The following MED1 variants were observed in gnomAD, a reference collection of about 807,000 sequenced individuals.
MED1 encodes the protein mediator complex subunit 1.
MED1 carries 17 observed loss-of-function variants against 121.3 expected under a neutral mutation model. That is an observed-to-expected ratio of 0.14 (90% confidence interval 0.10 to 0.21). MED1 has a LOEUF of 0.21. Among genes scored for constraint, MED1 ranks in the 10% least tolerant of loss-of-function variants. The pLI is 1.00. For missense variants in MED1, 1,558 were observed against 1,919.4 expected (o/e 0.81, Z 3.52); for synonymous variants, 661 against 694.4 (o/e 0.95, Z 0.76).
chr17:39,441,409 G>A (rs1426842397), intron 3 of MED1, among the ~76,000 whole-genome samples: 3 of 152,108 alleles, frequency 2.0e-5, no homozygotes, highest in South Asian at 2.1e-4. Flanking sequence ...TGTACTTAAC[G>A]CTACTGAACT....
chr17:39,440,201 A>G lies in MED1; in HGVS notation c.399+185T>C, dbSNP rs551365204. Among the ~76,000 whole-genome samples, 59 of 152,316 alleles carry G rather than the reference A, an allele frequency of 3.9e-4. 1 individual carries two copies. In the South Asian group the frequency reaches 0.012, roughly 32 times the overall value. ...CTTGTTAAAGCCTTTGGATGATGTC[A>G]GAGATGGGACCCATATTTTCTAAAT... On this transcript the variant is annotated intron_variant, in intron 5 of 16. Transcript: ENST00000300651. The surrounding 1 kb of genome is among the most constrained non-coding windows in gnomAD (Gnocchi z 4.1).
chr17:39,415,757 T>C lies in MED1; in HGVS notation c.1298-418A>G, dbSNP rs552803978. On this transcript the variant is annotated intron_variant, in intron 14 of 16. Transcript: ENST00000300651. ...ACTTGAACCTAGGAGGCGGAGGTTG[T>C]AGTGAGCTGAGATCGTGCCACTGCA... Among the ~76,000 whole-genome samples the C allele has an allele frequency of 2.1e-5, 3 of 139,736 alleles. No individual in the cohort carries two copies. In the South Asian group the frequency reaches 6.6e-4, roughly 31 times the overall value. The allele number at this position is 139,736 out of a possible 152,430, so 91.7% of individuals were successfully genotyped here.
intron 3 of MED1, 102 bp downstream of exon 3, chr17:39,443,448 A>C (rs113901772): frequency 1.3e-5 from 12 of 918,808 alleles, no homozygotes; most frequent in African/African-American, 6.6e-5. Context: ...TAATACATAA[A>C]GTTGACCTAC....
At chr17:39,449,428 G>A (rs770642019) in intron 1 of MED1, among the ~76,000 whole-genome samples, 2 of 151,998 alleles carry the variant, frequency 1.3e-5, no homozygotes, top group African/African-American at 2.4e-5. Flanking sequence ...TGATTCGCCC[G>A]CTTCGGCCTC....
In MED1 at chr17:39,424,693, G is replaced by A; in HGVS notation, c.785C>T (p.Thr262Ile). 2 of 1,611,512 alleles carry A rather than the reference G, an allele frequency of 1.2e-6. No individual in the cohort carries two copies. The highest frequency in any genetic ancestry group is 2.2e-5 in the East Asian group (1 of 44,812). The change falls in exon 11 of 17, where the codon ACA becomes ATA. Residue 262 changes from threonine to isoleucine, a missense_variant. Physicochemically the swap from Thr to Ile is moderately conservative, Grantham distance 89. Coordinates refer to ENST00000300651, the MANE Select transcript of MED1 (RefSeq NM_004774.4). ...AATTGGGAGTTTGTACACAGCAGAT[G>A]TTCCTTCAATTGTCACTGATGCATT... is the stretch of plus-strand genomic sequence containing the variant. ...GMNASVTIEG[T>I]SAVYKLPIAP...
chr17:39,431,262 C>A (rs1240290606), intron 8 of MED1, 74 bp from the exon 9 acceptor site: 3 of 1,198,480 alleles, frequency 2.5e-6, no homozygotes, highest in South Asian at 2.6e-5. Context: ...ATATTGAGTT[C>A]ACCTCTCCGA....
Position 39,424,681 on chromosome 17 carries a change from T to C in MED1, c.797A>G (p.Tyr266Cys), listed in dbSNP as rs780996607. ...AATTAATGGTGCAATTGGGAGTTTG[T>C]ACACAGCAGATGTTCCTTCAATTGT... ...SVTIEGTSAV[Y>C]KLPIAPLIMG... The change falls in exon 11 of 17, where the codon TAC becomes TGC. Residue 266 changes from tyrosine (Y) to cysteine (C), a missense_variant. This residue lies in a region of MED1 where 443 missense variants were observed against 532.4 expected (regional missense o/e 0.83). Coordinates refer to ENST00000300651, the MANE Select transcript of MED1 (RefSeq NM_004774.4). The C allele has an allele frequency of 6.2e-7, 1 of 1,611,192 alleles. No individual in the cohort carries two copies. Among genetic ancestry groups the C allele is most frequent in the Non-Finnish European group, 8.5e-7 (1 of 1,178,736 alleles).
intron 16 of MED1, among the ~76,000 whole-genome samples, chr17:39,412,265 G>C (rs1039386445): frequency 3.3e-5 from 3 of 91,766 alleles, no homozygotes; most frequent in Non-Finnish European, 6.2e-5. Context: ...TTTTGCTCTT[G>C]TTGCCCAGGC....
At chr17:39,414,957 C>T (rs1200482504) in intron 16 of MED1, 69 bp downstream of exon 16, 5 of 1,410,068 alleles carry the variant, frequency 3.5e-6, no homozygotes, top group Non-Finnish European at 4.0e-6. Context: ...CGTGAGCCAC[C>T]GCGCCCTACT....
In MED1 at chr17:39,406,640, C is replaced by T; in HGVS notation, c.*835G>A. The T allele has an allele frequency of 3.1e-6, 3 of 982,002 alleles. No individual in the cohort carries two copies. Among genetic ancestry groups the T allele is most frequent in the Non-Finnish European group, 2.4e-6 (2 of 829,070 alleles). The allele number at this position is 982,002 out of a possible 1,614,324, so 60.8% of individuals were successfully genotyped here. A position where few individuals can be genotyped will look rare whatever the true frequency, so the allele number is the denominator to read the frequency against. On this transcript the variant is annotated 3_prime_UTR_variant, in exon 17 of 17. Transcript: ENST00000300651. The stretch of plus-strand genomic sequence containing the variant: ...AGGTAACTCCTAATATTCCTATGAT[C>T]TCTGAACCCTATTTAAACCCTCCTA...
chr17:39,415,681 G>T lies in MED1; in HGVS notation c.1298-342C>A, dbSNP rs2048401896. On this transcript the variant is annotated intron_variant, in intron 14 of 16. Coordinates refer to ENST00000300651, the MANE Select transcript of MED1 (RefSeq NM_004774.4). ...CAAAATACAAAATTAGTCGGGCGTGGTGGCACATGCCTGTAATCCCAGCTA... is the reference window on the plus strand; with the variant it reads ...CAAAATACAAAATTAGTCGGGCGTGTTGGCACATGCCTGTAATCCCAGCTA... Among the ~76,000 whole-genome samples the T allele has an allele frequency of 1.3e-5, 2 of 151,966 alleles. 1 individual carries two copies. Among genetic ancestry groups the T allele is most frequent in the South Asian group, 4.2e-4 (2 of 4,810 alleles).
At chr17:39,425,949 T>G (rs1235467761) in intron 10 of MED1, among the ~76,000 whole-genome samples, 3 of 152,106 alleles carry the variant, frequency 2.0e-5, no homozygotes, top group Non-Finnish European at 4.4e-5. Flanking sequence ...TATTTTTTCT[T>G]CAGAATGCAT....
Position 39,440,089 on chromosome 17 carries a change from CAAGA to C in MED1, c.399+293_399+296del, listed in dbSNP as rs755865177. Among the ~76,000 whole-genome samples, 45 of 129,290 alleles carry C rather than the reference CAAGA, an allele frequency of 3.5e-4. No homozygotes were observed. Among genetic ancestry groups the C allele is most frequent in the African/African-American group, 7.2e-4 (24 of 33,514 alleles). The allele number at this position is 129,290 out of a possible 152,430, so 84.8% of individuals were successfully genotyped here. ...AAGAAAAAGAAAGCAAGCAAGCAAG[CAAGA>C]AAGAAAGAAAGAAAAAAGAAAGAAA... is the stretch of plus-strand genomic sequence containing the variant. On this transcript the variant is annotated intron_variant, in intron 5 of 16. Transcript: ENST00000300651. This position sits in a 1 kb window ranked among gnomAD's most constrained non-coding sequence, Gnocchi z 4.1.
At chr17:39,437,377 T>C (rs1441995714) in intron 6 of MED1, among the ~76,000 whole-genome samples, 1 of 152,120 alleles carries the variant, frequency 6.6e-6, no homozygotes, top group African/African-American at 2.4e-5. Flanking sequence ...CGCCCCCAGC[T>C]ATATGAAATT....
At position 39,419,922 on chromosome 17, in the gene MED1, G is replaced by A. The variant is rs766691544; in HGVS notation, c.1096-4C>T. ...AGTGCTGCTGACCAGGAAGAGCCTG[G>A]GCAAAAAGAACAGTTAACGAGTGCT... On this transcript the variant is annotated splice_polypyrimidine_tract_variant and splice_region_variant and intron_variant, in intron 13 of 16. Transcript: ENST00000300651. The A allele has an allele frequency of 3.1e-6, 5 of 1,612,910 alleles. No homozygotes were observed. The highest frequency in any genetic ancestry group is 1.1e-5 in the South Asian group (1 of 91,024).
intron 14 of MED1, among the ~76,000 whole-genome samples, chr17:39,419,291 G>A (rs2048439028): frequency 1.3e-5 from 2 of 148,702 alleles, no homozygotes; most frequent in South Asian, 2.1e-4. Flanking sequence ...TCCTCAGACC[G>A]ATCTCAAATC....
At chr17:39,443,976 A>T (rs2048703074) in intron 2 of MED1, among the ~76,000 whole-genome samples, 1 of 152,176 alleles carries the variant, frequency 6.6e-6, no homozygotes. Context: ...TTAGTCAAAA[A>T]CAAAAAAGAA....
In MED1 at chr17:39,447,742, G is replaced by T. The variant is rs7218668; in HGVS notation, c.132+56C>A. ...AACACATCTACATGGGGAGCTTAGC[G>T]TATTAAGAATAATTATCTAAGCAAA... On this transcript the variant is annotated intron_variant, in intron 2 of 16. Transcript: ENST00000300651. 14,092 of 1,242,686 alleles carry T rather than the reference G, an allele frequency of 0.011. 1,156 individuals are homozygous for T. In the African/African-American group the frequency reaches 0.18, roughly 16 times the overall value. 77.0% of individuals were successfully genotyped at this position (1,242,686 alleles called of 1,614,324 possible).
rs753808279 is a variant in MED1, at chr17:39,409,497, C to T, written c.2724G>A (p.Val908=). ...CCCCATTATCACCTCCAAGCATTGG[C>T]ACCCCCAAAGTATTTAGTGCCTGAG... The part of the protein sequence containing the change: ...FASQALNTLG[V]PMLGGDNGET... The change falls in exon 17 of 17, where the codon GTG becomes GTA. Residue 908 remains valine (V), a synonymous_variant. Transcript: ENST00000300651. 6.0e-5 allele frequency: 97 copies of T among 1,614,074 alleles called. No homozygotes were observed. In the Middle Eastern group the frequency reaches 9.9e-4, roughly 16 times the overall value.
Sources: allele counts gnomAD v4.1 joint callset (sites outside exome capture counted in the v4.1 genomes callset), GRCh38; gene constraint gnomAD v4.1.1; regional missense constraint gnomAD v4.1.1; non-coding constraint Gnocchi (gnomAD v3.1); transcripts MANE v1.5; gene names NCBI Gene and HGNC (gene_info 2026-07-23, HGNC 2026-07-21).